The following CHCHD3 variants were observed in gnomAD, a reference collection of about 807,000 sequenced individuals.
The protein encoded by CHCHD3 is MICOS complex subunit MIC19.
In CHCHD3, 20 loss-of-function variants were observed where a neutral mutation model predicts 38.2. The observed-to-expected ratio is 0.52, with a 90% CI of 0.37 to 0.76. The LOEUF (loss-of-function observed/expected upper bound fraction) is 0.76. Ranked by LOEUF, CHCHD3 falls within the 30% of genes least tolerant of loss-of-function variation. The probability of loss-of-function intolerance (pLI) is 0.00; values close to 1 mark genes in which losing one functional copy is unlikely to be tolerated. For missense variants in CHCHD3, 245 were observed against 279.2 expected (o/e 0.88, Z 0.87); for synonymous variants, 82 against 100.0 (o/e 0.82, Z 1.07).
At chr7:133,025,150 A>AT (rs1813301799) in intron 2 of CHCHD3, among the ~76,000 whole-genome samples, 1 of 152,186 alleles carries the variant, frequency 6.6e-6, no homozygotes, top group African/African-American at 2.4e-5. Flanking sequence ...TTGAAACCCT[A>AT]TTTTTTGGAA....
At chr7:132,881,950 T>C (rs1809069198) in intron 5 of CHCHD3, among the ~76,000 whole-genome samples, 1 of 152,090 alleles carries the variant, frequency 6.6e-6, no homozygotes. Context: ...AGTGACAAAA[T>C]TCAACTTGAG....
chr7:133,016,093 G>GGAAGTGCT (rs1813022958), intron 3 of CHCHD3, among the ~76,000 whole-genome samples: 1 of 152,082 alleles, frequency 6.6e-6, no homozygotes, highest in Admixed American at 6.6e-5. Context: ...TCCAGCACTG[G>GGAAGTGCT]GGATTATATT....
chr7:132,871,269 G>A (rs186141455), intron 5 of CHCHD3, among the ~76,000 whole-genome samples: 7 of 152,174 alleles, frequency 4.6e-5, no homozygotes, highest in African/African-American at 1.7e-4. Flanking sequence ...TAAGTTCAGG[G>A]TCAAATCCAA....
intron 6 of CHCHD3, among the ~76,000 whole-genome samples, chr7:132,837,617 T>A (rs566132141): frequency 1.3e-5 from 2 of 152,366 alleles, no homozygotes; most frequent in African/African-American, 4.8e-5. Flanking sequence ...AATCATTTTA[T>A]CAAATGCTTG....
At chr7:132,889,652 A>G (rs924220535) in intron 4 of CHCHD3, among the ~76,000 whole-genome samples, 1 of 152,186 alleles carries the variant, frequency 6.6e-6, no homozygotes, top group Non-Finnish European at 1.5e-5. Flanking sequence ...CAGAATCAAT[A>G]GTTTGAGATC....
intron 3 of CHCHD3, among the ~76,000 whole-genome samples, chr7:132,977,809 G>T (rs1300434355): frequency 6.6e-6 from 1 of 151,744 alleles, no homozygotes; most frequent in Non-Finnish European, 1.5e-5. Flanking sequence ...CTTATGTATG[G>T]CTTAGATTTT....
At chr7:132,838,585 A>C in intron 5 of CHCHD3, 116 bp from the exon 6 acceptor site, 1 of 703,088 alleles carries the variant, frequency 1.4e-6, no homozygotes, top group Non-Finnish European at 2.5e-6. Flanking sequence ...GCAGTAGAAG[A>C]CTTTCTTGTA....
Position 132,804,893 on chromosome 7 carries a change from C to T in CHCHD3, c.525-8316G>A, listed in dbSNP as rs533766024. On this transcript the variant is annotated intron_variant, in intron 6 of 7. Coordinates refer to ENST00000262570, the MANE Select transcript of CHCHD3 (RefSeq NM_017812.4). ...TCAGAGTGCTAAAAATGAAGAGTGG[C>T]GGGAGCAGCAGTGGGAGGAGGGGTA... is the stretch of plus-strand genomic sequence containing the variant. Among the ~76,000 whole-genome samples the T allele has an allele frequency of 2.1e-4, 32 of 152,200 alleles. No homozygotes were observed. The South Asian group carries it at 4.1e-3, about 20-fold the overall frequency.
In CHCHD3 at chr7:132,966,210, C is replaced by G. The variant is rs141533419; in HGVS notation, c.369+8959G>C. 7.3e-3 allele frequency among the ~76,000 whole-genome samples: 1,107 copies of G among 152,220 alleles called. 7 individuals carry two copies. Among genetic ancestry groups the G allele is most frequent in the African/African-American group, 0.017 (699 of 41,524 alleles). On this transcript the variant is annotated intron_variant, in intron 4 of 7. Transcript: ENST00000262570. ...ATTCCTGCTCTTGAGAGAACGGAAG[C>G]CTTACTTCATTTGGTAATTCTGCCG... is the stretch of plus-strand genomic sequence containing the variant.
At chr7:133,025,748 C>T (rs1432763993) in intron 2 of CHCHD3, among the ~76,000 whole-genome samples, 1 of 152,208 alleles carries the variant, frequency 6.6e-6, no homozygotes, top group African/African-American at 2.4e-5. Flanking sequence ...TCATGATCCG[C>T]CCACCTTGGC....
chr7:132,836,360 T>C (rs567508367), intron 6 of CHCHD3, among the ~76,000 whole-genome samples: 1 of 152,294 alleles, frequency 6.6e-6, no homozygotes, highest in South Asian at 2.1e-4. Flanking sequence ...CCTCAAGTGA[T>C]CTGCCTGCCT....
At chr7:133,027,372 A>AGAGAGAGG (rs1169284473) in intron 2 of CHCHD3, among the ~76,000 whole-genome samples, 1 of 138,352 alleles carries the variant, frequency 7.2e-6, no homozygotes, top group African/African-American at 2.7e-5. Context: ...TAAGAGAGAG[A>AGAGAGAGG]GAGAGAGAGA....
rs1584661891 is a variant in CHCHD3, at chr7:133,035,284, T to C, written c.170-10657A>G. On this transcript the variant is annotated intron_variant, in intron 2 of 7. Coordinates refer to ENST00000262570, the MANE Select transcript of CHCHD3 (RefSeq NM_017812.4). The surrounding 1 kb of genome is among the most constrained non-coding windows in gnomAD (Gnocchi z 4.7). ...AACTTTTTAGCATCAAACTGGGCCA[T>C]CTTCTCACACAGTTTCAGTTCCCCC... is the stretch of plus-strand genomic sequence containing the variant. 6.2e-7 allele frequency: 1 copy of C among 1,612,168 alleles called. No individual in the cohort carries two copies. The highest frequency in any genetic ancestry group is 1.3e-5 in the African/African-American group (1 of 74,998).
intron 5 of CHCHD3, among the ~76,000 whole-genome samples, chr7:132,855,557 A>G (rs1030051366): frequency 2.0e-5 from 3 of 152,180 alleles, no homozygotes; most frequent in African/African-American, 7.2e-5. Flanking sequence ...ATTTCAAAGG[A>G]AAGGCCTTTT....
chr7:132,903,717 C>T (rs916969156), intron 4 of CHCHD3, among the ~76,000 whole-genome samples: 3 of 152,316 alleles, frequency 2.0e-5, no homozygotes, highest in Admixed American at 6.5e-5. Flanking sequence ...GTTTTAATTA[C>T]ATATTGCCTT....
intron 2 of CHCHD3, among the ~76,000 whole-genome samples, chr7:133,061,069 C>T (rs561863890): frequency 6.6e-6 from 1 of 152,158 alleles, no homozygotes; most frequent in South Asian, 2.1e-4. Context: ...CCAGAGAAGA[C>T]TCGAGCAGGA....
intron 5 of CHCHD3, among the ~76,000 whole-genome samples, chr7:132,839,775 T>C (rs769205100): frequency 3.3e-5 from 5 of 152,326 alleles, no homozygotes; most frequent in Admixed American, 6.5e-5. Context: ...TGTGATTAGA[T>C]AGCAGACTCA....
chr7:132,959,717 C>T (rs1442949224), intron 4 of CHCHD3, among the ~76,000 whole-genome samples: 1 of 134,272 alleles, frequency 7.4e-6, no homozygotes, highest in Admixed American at 8.0e-5. Context: ...AGCAAAACTC[C>T]GTCTCAAAAA....
Position 132,955,173 on chromosome 7 carries a change from GGTGTGTGT to G in CHCHD3, c.369+19988_369+19995del, listed in dbSNP as rs3050414. On this transcript the variant is annotated intron_variant, in intron 4 of 7. Transcript: ENST00000262570. ...AGAAAGGAGGCTTTTTCCCTCAGAGGGTGTGTGTGTGTGTGTGTGTGTGTGTGTGTGTG... is the reference window on the plus strand; with the variant it reads ...AGAAAGGAGGCTTTTTCCCTCAGAGGGTGTGTGTGTGTGTGTGTGTGTGTG... Among the ~76,000 whole-genome samples, 308 of 126,286 alleles carry G rather than the reference GGTGTGTGT, an allele frequency of 2.4e-3. 4 individuals carry two copies. The East Asian group carries it at 0.031, about 13-fold the overall frequency. 82.8% of individuals were successfully genotyped at this position (126,286 alleles called of 152,430 possible).
Sources: allele counts gnomAD v4.1 joint callset (sites outside exome capture counted in the v4.1 genomes callset), GRCh38; gene constraint gnomAD v4.1.1; non-coding constraint Gnocchi (gnomAD v3.1); transcripts MANE v1.5; gene names NCBI Gene and HGNC (gene_info 2026-07-23, HGNC 2026-07-21).